BMPR1B: variants seen among roughly 807,000 people sequenced by gnomAD.
BMPR1B encodes bone morphogenetic protein receptor type 1B, also known as bone morphogenetic protein receptor type-1B.
In BMPR1B, 12 loss-of-function variants were observed where a neutral mutation model predicts 59.1. The ratio of observed to expected loss-of-function variants is 0.20; its 90% CI spans 0.13 to 0.33. The LOEUF (loss-of-function observed/expected upper bound fraction) is 0.33, where lower values mean the gene tolerates loss of function less well. Among genes scored for constraint, BMPR1B ranks in the 10% least tolerant of loss-of-function variants. BMPR1B has a pLI of 1.00. For synonymous variants in BMPR1B, 237 were observed against 207.3 expected (o/e 1.14, Z -1.23); for missense variants, 550 against 610.9 (o/e 0.90, Z 1.05).
At chr4:94,894,307 A>C (rs551978258) in intron 2 of BMPR1B, among the ~76,000 whole-genome samples, 5 of 152,182 alleles carry the variant, frequency 3.3e-5, no homozygotes, top group African/African-American at 1.2e-4. Context: ...TTACATTTTC[A>C]CATAGATCAA....
chr4:94,909,843 C>G (rs1443250803), intron 2 of BMPR1B, among the ~76,000 whole-genome samples: 1 of 152,020 alleles, frequency 6.6e-6, no homozygotes, highest in Non-Finnish European at 1.5e-5. Flanking sequence ...TATTGTGTCT[C>G]CAGGTGGCTG....
chr4:94,785,999 C>G (rs1476574454), intron 1 of BMPR1B, among the ~76,000 whole-genome samples: 1 of 152,224 alleles, frequency 6.6e-6, no homozygotes, highest in Non-Finnish European at 1.5e-5. Flanking sequence ...CACATCATCA[C>G]TCACTACTTC....
intron 1 of BMPR1B, among the ~76,000 whole-genome samples, chr4:94,783,406 C>T (rs559487964): frequency 3.9e-5 from 6 of 152,262 alleles, no homozygotes; most frequent in Non-Finnish European, 7.4e-5. Context: ...TGCTTACCAC[C>T]AAAATCTTTA....
chr4:95,070,154 G>T (rs751208515), intron 3 of BMPR1B, among the ~76,000 whole-genome samples: 2 of 152,086 alleles, frequency 1.3e-5, no homozygotes, highest in African/African-American at 2.4e-5. Flanking sequence ...TGTAATCTTA[G>T]CTGTGGTGTA....
At chr4:94,827,161 A>C (rs1045075036) in intron 1 of BMPR1B, among the ~76,000 whole-genome samples, 22 of 151,902 alleles carry the variant, frequency 1.4e-4, no homozygotes, top group African/African-American at 4.8e-4. Flanking sequence ...TCTCTGGTTG[A>C]GTTAGTTGAG....
At chr4:95,055,228 C>T (rs539974908) in intron 3 of BMPR1B, among the ~76,000 whole-genome samples, 1 of 152,152 alleles carries the variant, frequency 6.6e-6, no homozygotes, top group South Asian at 2.1e-4. Flanking sequence ...TTCCTATTGT[C>T]ATATTTATGT....
chr4:94,819,361 A>T (rs1022351025), intron 1 of BMPR1B, among the ~76,000 whole-genome samples: 1 of 152,152 alleles, frequency 6.6e-6, no homozygotes, highest in Non-Finnish European at 1.5e-5. Context: ...ATACCAATAT[A>T]AGCAGCTCAT....
intron 1 of BMPR1B, among the ~76,000 whole-genome samples, chr4:94,798,892 A>G (rs1380176993): frequency 6.6e-6 from 1 of 151,810 alleles, no homozygotes; most frequent in Non-Finnish European, 1.5e-5. Context: ...GAATCTGTTT[A>G]CCTGTGTTGC....
chr4:95,018,756 A>G (rs74405720), intron 3 of BMPR1B, among the ~76,000 whole-genome samples: 3,789 of 152,238 alleles, frequency 0.025, 72 homozygotes, highest in Middle Eastern at 0.037. Context: ...CCTAGGATTC[A>G]ATTTTGGGTT....
rs114259900 is a variant in BMPR1B at position 94,966,108 on chromosome 4, G to A, written c.-112-29932G>A. On this transcript the variant is annotated intron_variant, in intron 2 of 12. Coordinates refer to ENST00000515059, the MANE Select transcript of BMPR1B (RefSeq NM_001203.3). Reference sequence around the variant, plus strand: ...TGAAATGGGATGAAAGTTGATATATGCCATGTTGTATCTTTCTCACCACAT... The same window carrying A: ...TGAAATGGGATGAAAGTTGATATATACCATGTTGTATCTTTCTCACCACAT... Among the ~76,000 whole-genome samples the A allele has an allele frequency of 8.4e-3, 1,278 of 152,250 alleles. 17 individuals are homozygous for A. Among genetic ancestry groups the A allele is most frequent in the African/African-American group, 0.029 (1,204 of 41,550 alleles).
intron 3 of BMPR1B, among the ~76,000 whole-genome samples, chr4:95,052,623 A>T (rs1247494597): frequency 6.6e-6 from 1 of 152,190 alleles, no homozygotes; most frequent in South Asian, 2.1e-4. Context: ...ACTGTTTATC[A>T]GAAGAGTGTG....
intron 10 of BMPR1B, among the ~76,000 whole-genome samples, chr4:95,137,063 C>A (rs1733849349): frequency 6.6e-6 from 1 of 152,106 alleles, no homozygotes; most frequent in South Asian, 2.1e-4. Flanking sequence ...TATGAATTTC[C>A]TTCTACACAC....
At chr4:95,027,514 G>A (rs1724512388) in intron 3 of BMPR1B, among the ~76,000 whole-genome samples, 1 of 152,170 alleles carries the variant, frequency 6.6e-6, no homozygotes, top group South Asian at 2.1e-4. Flanking sequence ...AGCCTATTCT[G>A]AAGATGTCCA....
chr4:94,870,566 A>G (rs890806916), intron 1 of BMPR1B, among the ~76,000 whole-genome samples: 1 of 152,182 alleles, frequency 6.6e-6, no homozygotes, highest in African/African-American at 2.4e-5. Flanking sequence ...TCATTTCATT[A>G]TGCCTTAGAG....
chr4:94,806,260 A>G (rs1723601011), intron 1 of BMPR1B, among the ~76,000 whole-genome samples: 1 of 152,168 alleles, frequency 6.6e-6, no homozygotes, highest in Non-Finnish European at 1.5e-5. Context: ...TTTGACAGTA[A>G]GTTTTCTGCA....
At chr4:94,967,606 CTGAGT>C (rs1190603110) in intron 2 of BMPR1B, among the ~76,000 whole-genome samples, 1 of 152,088 alleles carries the variant, frequency 6.6e-6, no homozygotes, top group African/African-American at 2.4e-5. Flanking sequence ...CCTCAGCCTC[CTGAGT>C]AGCTGGGATT....
chr4:94,783,533 C>G (rs1194970592), intron 1 of BMPR1B, among the ~76,000 whole-genome samples: 1 of 152,134 alleles, frequency 6.6e-6, no homozygotes, highest in Non-Finnish European at 1.5e-5. Flanking sequence ...GTCTCTTCCT[C>G]TGGGCAAAAT....
At chr4:95,109,417 T>C (rs1731448810) in intron 4 of BMPR1B, among the ~76,000 whole-genome samples, 1 of 152,118 alleles carries the variant, frequency 6.6e-6, no homozygotes, top group Non-Finnish European at 1.5e-5. Context: ...AAGTTTGTGT[T>C]AACTCAGGCT....
intron 1 of BMPR1B, among the ~76,000 whole-genome samples, chr4:94,784,822 A>G (rs1722704933): frequency 6.6e-6 from 1 of 152,122 alleles, no homozygotes; most frequent in African/African-American, 2.4e-5. Context: ...AGCCCTGGCC[A>G]TTTTCATTGT....
Sources: gnomAD v4.1 joint callset for allele counts (sites outside exome capture counted in the v4.1 genomes callset) on GRCh38, gnomAD v4.1.1 for gene constraint, MANE v1.5 for transcripts, NCBI Gene and HGNC (gene_info 2026-07-23, HGNC 2026-07-21) for gene names.